KCND2: variants seen among roughly 807,000 people sequenced by gnomAD.
The protein encoded by KCND2 is potassium voltage-gated channel subfamily D member 2.
KCND2 carries 16 observed loss-of-function variants against 54.4 expected under a neutral mutation model. That is an observed-to-expected ratio of 0.29 (90% CI 0.20 to 0.45). The LOEUF is 0.45. Ranked by LOEUF, KCND2 falls within the 20% of genes least tolerant of loss-of-function variation. The pLI is 1.00. For synonymous variants in KCND2, 317 were observed against 310.7 expected (o/e 1.02, Z -0.21); for missense variants, 486 against 824.2 (o/e 0.59, Z 5.02).
rs554160905 is a variant in KCND2 at position 120,739,975 on chromosome 7, ATAAT to A, written c.1279-1556_1279-1553del. On this transcript the variant is annotated intron_variant, in intron 2 of 5. Coordinates refer to ENST00000331113, the MANE Select transcript of KCND2 (RefSeq NM_012281.3). ...AATTGGCAGTTGGCCTGGTAAATAA[ATAAT>A]TATTTGTTTATACCGTGGTATATTA... 2.0e-4 allele frequency among the ~76,000 whole-genome samples: 30 copies of A among 152,222 alleles called. 1 individual carries two copies. Among genetic ancestry groups the A allele is most frequent in the Middle Eastern group, 6.8e-3 (2 of 294 alleles).
At chr7:120,665,178 T>C (rs550090069) in intron 1 of KCND2, among the ~76,000 whole-genome samples, 1 of 152,182 alleles carries the variant, frequency 6.6e-6, no homozygotes, top group East Asian at 1.9e-4. Context: ...TAAGGGACAT[T>C]GAAGTGGAAG....
At chr7:120,659,067 G>A (rs1371164532) in intron 1 of KCND2, among the ~76,000 whole-genome samples, 2 of 152,302 alleles carry the variant, frequency 1.3e-5, no homozygotes, top group East Asian at 3.9e-4. Context: ...TAGGATTAGA[G>A]AGTTAGAAAA....
At chr7:120,570,831 T>C (rs1446703516) in intron 1 of KCND2, among the ~76,000 whole-genome samples, 1 of 152,160 alleles carries the variant, frequency 6.6e-6, no homozygotes, top group East Asian at 1.9e-4. Flanking sequence ...ACCAGCCCTA[T>C]TCTTAAAGCT....
At chr7:120,738,713 C>G (rs1792904162) in intron 2 of KCND2, among the ~76,000 whole-genome samples, 2 of 152,124 alleles carry the variant, frequency 1.3e-5, no homozygotes, top group Middle Eastern at 3.4e-3. Context: ...GAATACATTT[C>G]TTTTTACCAG....
intron 1 of KCND2, among the ~76,000 whole-genome samples, chr7:120,407,760 A>G (rs1801383821): frequency 6.6e-6 from 1 of 151,276 alleles, no homozygotes; most frequent in Non-Finnish European, 1.5e-5. Flanking sequence ...AATTGTAATC[A>G]TATTATAAAA....
intron 1 of KCND2, among the ~76,000 whole-genome samples, chr7:120,348,533 C>A (rs1373230980): frequency 6.6e-6 from 1 of 152,198 alleles, no homozygotes; most frequent in African/African-American, 2.4e-5. Flanking sequence ...GGAACACTAA[C>A]TACCTTTATA....
intron 1 of KCND2, among the ~76,000 whole-genome samples, chr7:120,520,818 A>T (rs1791683222): frequency 6.6e-6 from 1 of 152,142 alleles, no homozygotes; most frequent in African/African-American, 2.4e-5. Context: ...TTTTTAATGG[A>T]TGAACCCATT....
intron 1 of KCND2, among the ~76,000 whole-genome samples, chr7:120,301,579 A>G (rs1468643355): frequency 2.0e-5 from 3 of 152,160 alleles, no homozygotes; most frequent in East Asian, 1.9e-4. Flanking sequence ...ATAAATAAAT[A>G]CTATGAATAT....
At chr7:120,715,018 A>G (rs1024342301) in intron 1 of KCND2, among the ~76,000 whole-genome samples, 11 of 152,164 alleles carry the variant, frequency 7.2e-5, no homozygotes, top group African/African-American at 2.4e-4. Context: ...CAAATACCCC[A>G]CGTATACCTC....
chr7:120,313,272 A>G (rs1799766258), intron 1 of KCND2, among the ~76,000 whole-genome samples: 1 of 152,172 alleles, frequency 6.6e-6, no homozygotes, highest in African/African-American at 2.4e-5. Context: ...ATCTTAAACA[A>G]ATTGATTGAT....
chr7:120,393,177 G>A (rs1801103019), intron 1 of KCND2, among the ~76,000 whole-genome samples: 1 of 151,924 alleles, frequency 6.6e-6, no homozygotes, highest in South Asian at 2.1e-4. Flanking sequence ...CAAACTGTGT[G>A]ACCTTGGGAC....
At chr7:120,351,429 C>CTA (rs1800404377) in intron 1 of KCND2, among the ~76,000 whole-genome samples, 3 of 150,762 alleles carry the variant, frequency 2.0e-5, no homozygotes, top group Non-Finnish European at 3.0e-5. Flanking sequence ...CTCTCTCTCT[C>CTA]TCTCTCACAT....
chr7:120,407,105 T>C (rs994611918), intron 1 of KCND2, among the ~76,000 whole-genome samples: 12 of 151,998 alleles, frequency 7.9e-5, no homozygotes, highest in Non-Finnish European at 1.6e-4. Flanking sequence ...GCTATGGTTG[T>C]ATTAATGTGC....
intron 1 of KCND2, among the ~76,000 whole-genome samples, chr7:120,497,997 G>A (rs377604627): frequency 2.0e-5 from 3 of 152,072 alleles, no homozygotes; most frequent in South Asian, 2.1e-4. Context: ...AATAGAGGAA[G>A]CAACAAGATC....
intron 1 of KCND2, among the ~76,000 whole-genome samples, chr7:120,564,482 T>C (rs1792273366): frequency 1.3e-5 from 2 of 152,260 alleles, no homozygotes; most frequent in South Asian, 4.1e-4. Flanking sequence ...AGCAAATATA[T>C]AAATACATAT....
At chr7:120,443,040 C>T (rs1801964993) in intron 1 of KCND2, among the ~76,000 whole-genome samples, 1 of 152,048 alleles carries the variant, frequency 6.6e-6, no homozygotes, top group African/African-American at 2.4e-5. Flanking sequence ...CCATCACTTT[C>T]AAGTGTTTCT....
intron 1 of KCND2, among the ~76,000 whole-genome samples, chr7:120,352,334 T>C (rs1800422061): frequency 6.6e-6 from 1 of 151,656 alleles, no homozygotes; most frequent in Non-Finnish European, 1.5e-5. Flanking sequence ...AATACATACA[T>C]ATATATTTTT....
intron 1 of KCND2, among the ~76,000 whole-genome samples, chr7:120,375,338 C>T (rs1047463327): frequency 2.6e-5 from 4 of 151,812 alleles, no homozygotes; most frequent in Non-Finnish European, 4.4e-5. Context: ...TCCATCCATG[C>T]CACTTCTAAT....
chr7:120,328,956 G>A (rs970739884), intron 1 of KCND2, among the ~76,000 whole-genome samples: 2 of 151,926 alleles, frequency 1.3e-5, no homozygotes, highest in Non-Finnish European at 2.9e-5. Context: ...AAAATATCTT[G>A]CTATGAATTG....
Sources: allele counts gnomAD v4.1 joint callset (sites outside exome capture counted in the v4.1 genomes callset), GRCh38; gene constraint gnomAD v4.1.1; transcripts MANE v1.5; gene names NCBI Gene and HGNC (gene_info 2026-07-23, HGNC 2026-07-21).